ST6GALNAC3: variants seen among roughly 807,000 people sequenced by gnomAD.
ST6GALNAC3 encodes alpha-N-acetylgalactosaminide alpha-2,6-sialyltransferase 3.
Under a neutral mutation model 32.7 loss-of-function variants are expected in ST6GALNAC3, and 25 were observed. The observed-to-expected ratio is 0.76, with a 90% confidence interval of 0.56 to 1.07. ST6GALNAC3 has a LOEUF of 1.07. Ranked by LOEUF, ST6GALNAC3 falls within the 50% of genes least tolerant of loss-of-function variation. The pLI, the probability that ST6GALNAC3 is intolerant of heterozygous loss-of-function variation, is 0.00. For synonymous variants in ST6GALNAC3, 129 were observed against 133.1 expected (o/e 0.97, Z 0.21); for missense variants, 355 against 382.4 (o/e 0.93, Z 0.60).
chr1:76,236,779 G>A (rs982025101), intron 1 of ST6GALNAC3, among the ~76,000 whole-genome samples: 7 of 152,122 alleles, frequency 4.6e-5, no homozygotes, highest in South Asian at 2.1e-4. Flanking sequence ...GCAATCTTCC[G>A]TATAATGTAT....
At chr1:76,548,126 T>C (rs1434198046) in intron 3 of ST6GALNAC3, among the ~76,000 whole-genome samples, 1 of 152,138 alleles carries the variant, frequency 6.6e-6, no homozygotes, top group East Asian at 1.9e-4. Context: ...GCCAGACCTT[T>C]GAAACATACT....
At chr1:76,252,115 T>C (rs1657652242) in intron 1 of ST6GALNAC3, among the ~76,000 whole-genome samples, 1 of 152,114 alleles carries the variant, frequency 6.6e-6, no homozygotes, top group African/African-American at 2.4e-5. Flanking sequence ...GTGAGGAATT[T>C]AGTGATGCAG....
chr1:76,310,112 A>G (rs539692198), intron 1 of ST6GALNAC3: 277 of 385,870 alleles, frequency 7.2e-4, no homozygotes, highest in Non-Finnish European at 1.3e-3. Context: ...TGAATAAACA[A>G]AAGCACAAAT....
chr1:76,178,560 G>T (rs983907588), intron 1 of ST6GALNAC3, among the ~76,000 whole-genome samples: 3 of 152,162 alleles, frequency 2.0e-5, no homozygotes, highest in Non-Finnish European at 4.4e-5. Context: ...GTGGGCCTAG[G>T]AACCTGTATT....
intron 1 of ST6GALNAC3, among the ~76,000 whole-genome samples, chr1:76,232,076 C>A (rs1019595935): frequency 6.6e-6 from 1 of 152,134 alleles, no homozygotes; most frequent in African/African-American, 2.4e-5. Flanking sequence ...CAGAACCAGG[C>A]TTTGATACCA....
intron 1 of ST6GALNAC3, among the ~76,000 whole-genome samples, chr1:76,138,880 A>T (rs182318311): frequency 6.4e-4 from 98 of 152,262 alleles, no homozygotes; most frequent in Admixed American, 6.1e-3. Context: ...ACCCCTGAGA[A>T]TAAAAGGAGG....
intron 3 of ST6GALNAC3, among the ~76,000 whole-genome samples, chr1:76,455,924 ACCTATAATC>A (rs767454002): frequency 4.6e-5 from 7 of 152,176 alleles, no homozygotes; most frequent in Non-Finnish European, 8.8e-5. Flanking sequence ...GGTGGTTCAC[ACCTATAATC>A]CAAGCACTTT....
chr1:76,132,860 G>A (rs1262262920), intron 1 of ST6GALNAC3, among the ~76,000 whole-genome samples: 2 of 152,182 alleles, frequency 1.3e-5, no homozygotes, highest in Non-Finnish European at 2.9e-5. Context: ...TCCTGTCTGG[G>A]GGAGGGTCAT....
chr1:76,435,361 G>T (rs530043028), intron 3 of ST6GALNAC3, among the ~76,000 whole-genome samples: 2 of 152,242 alleles, frequency 1.3e-5, no homozygotes, highest in East Asian at 3.9e-4. Context: ...TGTTATGAAA[G>T]AAAAATTTAT....
intron 1 of ST6GALNAC3, among the ~76,000 whole-genome samples, chr1:76,131,923 T>G (rs944414719): frequency 6.6e-6 from 1 of 152,138 alleles, no homozygotes; most frequent in Non-Finnish European, 1.5e-5. Flanking sequence ...CCATAGCACA[T>G]GATGCAAGGG....
At chr1:76,412,470 T>C in intron 3 of ST6GALNAC3, 53 bp downstream of exon 3, 1 of 1,504,194 alleles carries the variant, frequency 6.6e-7, no homozygotes, top group Non-Finnish European at 8.9e-7. Flanking sequence ...TTATGCTAAA[T>C]CTTCGCCAAT....
At chr1:76,384,434 T>C (rs12038570) in intron 2 of ST6GALNAC3, among the ~76,000 whole-genome samples, 31,688 of 152,130 alleles carry the variant, frequency 0.21, 3,944 homozygotes, top group East Asian at 0.62. Flanking sequence ...CTGACAATCA[T>C]AGTTGGTGGT....
At chr1:76,215,457 G>T (rs1057186270) in intron 1 of ST6GALNAC3, among the ~76,000 whole-genome samples, 1 of 152,188 alleles carries the variant, frequency 6.6e-6, no homozygotes, top group Admixed American at 6.5e-5. Context: ...ATTAATTGAT[G>T]TGGGATGCAG....
chr1:76,261,926 A>T (rs1658262161), intron 1 of ST6GALNAC3, among the ~76,000 whole-genome samples: 1 of 152,332 alleles, frequency 6.6e-6, no homozygotes, highest in Admixed American at 6.5e-5. Flanking sequence ...GAGTATCTGG[A>T]ATGGAGAACC....
chr1:76,208,845 T>C (rs974463158), intron 1 of ST6GALNAC3, among the ~76,000 whole-genome samples: 1 of 151,890 alleles, frequency 6.6e-6, no homozygotes, highest in African/African-American at 2.4e-5. Context: ...TCTAGGGGTA[T>C]TTTTTTCACA....
intron 1 of ST6GALNAC3, among the ~76,000 whole-genome samples, chr1:76,289,389 G>A (rs546784398): frequency 6.6e-6 from 1 of 152,168 alleles, no homozygotes; most frequent in Non-Finnish European, 1.5e-5. Flanking sequence ...TAACTTCTCT[G>A]TGCTTCCGAT....
At chr1:76,142,567 G>A (rs1308945243) in intron 1 of ST6GALNAC3, among the ~76,000 whole-genome samples, 1 of 152,206 alleles carries the variant, frequency 6.6e-6, no homozygotes, top group East Asian at 1.9e-4. Context: ...GCTCCTGACT[G>A]GGCAGGGAGG....
At chr1:76,362,704 T>C (rs749487677) in intron 2 of ST6GALNAC3, among the ~76,000 whole-genome samples, 1 of 152,232 alleles carries the variant, frequency 6.6e-6, no homozygotes, top group Non-Finnish European at 1.5e-5. Context: ...GGGCAGTCAT[T>C]ACATTTTAAA....
At chr1:76,635,565 C>G (rs903690664), downstream of ST6GALNAC3, among the ~76,000 whole-genome samples, 2 of 152,130 alleles carry the variant, frequency 1.3e-5, no homozygotes, top group African/African-American at 2.4e-5. Context: ...CAGTTTGGCC[C>G]AGAGTCCATA....
Sources: allele counts gnomAD v4.1 joint callset (sites outside exome capture counted in the v4.1 genomes callset), GRCh38; gene constraint gnomAD v4.1.1; transcripts MANE v1.5; gene names NCBI Gene and HGNC (gene_info 2026-07-23, HGNC 2026-07-21).